ACAP2: variants seen among roughly 807,000 people sequenced by gnomAD.
ACAP2 encodes arf-GAP with coiled-coil, ANK repeat and PH domain-containing protein 2.
ACAP2 carries 39 observed loss-of-function variants against 115.8 expected under a neutral mutation model. The ratio of observed to expected loss-of-function variants is 0.34; its 90% CI spans 0.26 to 0.44. ACAP2 has a LOEUF of 0.44. Ranked by LOEUF, ACAP2 falls within the 20% of genes least tolerant of loss-of-function variation. ACAP2 has a pLI of 1.00. For missense variants in ACAP2, 662 were observed against 927.6 expected, an observed-to-expected ratio of 0.71 and a Z score of 3.72; for synonymous variants, 289 against 315.8, an observed-to-expected ratio of 0.92 and a Z score of 0.90.
At chr3:195,283,917 T>C (rs1247770629) in intron 22 of ACAP2, among the ~76,000 whole-genome samples, 2 of 152,004 alleles carry the variant, frequency 1.3e-5, no homozygotes, top group African/African-American at 4.8e-5. Flanking sequence ...TTAAATTAAA[T>C]TGGTAAAATC....
At chr3:195,439,608 A>G (rs887970541) in intron 1 of ACAP2, among the ~76,000 whole-genome samples, 2 of 151,580 alleles carry the variant, frequency 1.3e-5, no homozygotes, top group African/African-American at 2.4e-5. Flanking sequence ...AACAGAATAC[A>G]TTTTGGGTTT....
chr3:195,408,582 A>C (rs1284059204), intron 1 of ACAP2, among the ~76,000 whole-genome samples: 3 of 152,214 alleles, frequency 2.0e-5, no homozygotes, highest in South Asian at 2.1e-4. Context: ...GTGAAGAGGA[A>C]GAAAACTTCC....
intron 7 of ACAP2, among the ~76,000 whole-genome samples, chr3:195,333,996 G>C (rs1255181417): frequency 6.6e-6 from 1 of 152,072 alleles, no homozygotes; most frequent in African/African-American, 2.4e-5. Context: ...AATGGGCAGA[G>C]ATTTGTCCAA....
intron 9 of ACAP2, among the ~76,000 whole-genome samples, chr3:195,322,921 T>C (rs961111321): frequency 6.6e-6 from 1 of 152,354 alleles, no homozygotes; most frequent in African/African-American, 2.4e-5. Context: ...TTCATAACTT[T>C]AGCAATGAAA....
intron 22 of ACAP2, 38 bp from the exon 23 acceptor site, chr3:195,279,466 A>T: frequency 7.7e-7 from 1 of 1,303,450 alleles, no homozygotes; most frequent in South Asian, 1.3e-5. Flanking sequence ...AAACATTTAC[A>T]CAAGTATTAA....
intron 16 of ACAP2, among the ~76,000 whole-genome samples, chr3:195,296,191 C>T (rs1727646275): frequency 1.3e-5 from 2 of 151,386 alleles, no homozygotes. Flanking sequence ...TGCCCTCATG[C>T]TTTTTGCAGA....
chr3:195,326,637 T>C (rs1172211897), intron 9 of ACAP2: 1 of 403,240 alleles, frequency 2.5e-6, no homozygotes, highest in Non-Finnish European at 4.5e-6. Flanking sequence ...CTTAGTTAAG[T>C]TCCTAAGAGA....
At chr3:195,340,389 G>A (rs1157688440) in intron 6 of ACAP2, among the ~76,000 whole-genome samples, 2 of 151,914 alleles carry the variant, frequency 1.3e-5, no homozygotes, top group Non-Finnish European at 2.9e-5. Flanking sequence ...AATACAATGA[G>A]AACAAAGTAC....
chr3:195,290,767 C>T (rs1052115731), intron 20 of ACAP2, among the ~76,000 whole-genome samples: 47 of 151,526 alleles, frequency 3.1e-4, no homozygotes, highest in African/African-American at 9.5e-4. Context: ...GAGCTGAGAT[C>T]GTGCTACTGC....
chr3:195,403,650 G>A (rs946553763), intron 1 of ACAP2, among the ~76,000 whole-genome samples: 7 of 152,222 alleles, frequency 4.6e-5, no homozygotes, highest in Non-Finnish European at 8.8e-5. Context: ...ACAGGTAAAT[G>A]TGTAATCAAG....
At chr3:195,360,828 GA>G (rs796896996) in intron 4 of ACAP2, among the ~76,000 whole-genome samples, 18 of 147,150 alleles carry the variant, frequency 1.2e-4, no homozygotes, top group African/African-American at 2.5e-4. Flanking sequence ...AAAAAGAAAA[GA>G]AAAAAAAAAT....
At chr3:195,441,297 C>A (rs1715974826) in intron 1 of ACAP2, among the ~76,000 whole-genome samples, 1 of 152,194 alleles carries the variant, frequency 6.6e-6, no homozygotes, top group Admixed American at 6.5e-5. Flanking sequence ...CTCCACTTGC[C>A]ATGCTGTCCT....
chr3:195,358,065 A>T (rs974733116), intron 4 of ACAP2, among the ~76,000 whole-genome samples: 2 of 152,158 alleles, frequency 1.3e-5, no homozygotes, highest in African/African-American at 2.4e-5. Flanking sequence ...TGGGGATTAC[A>T]ATTCAAGATG....
At chr3:195,311,288 G>A (rs1391123269) in intron 10 of ACAP2, among the ~76,000 whole-genome samples, 1 of 151,784 alleles carries the variant, frequency 6.6e-6, no homozygotes, top group Admixed American at 6.6e-5. Context: ...GTAGAGACGA[G>A]GTTTTACCAT....
At position 195,275,259 on chromosome 3, in the gene ACAP2, C is replaced by T. The variant is rs1726149928; in HGVS notation, c.*4069G>A. 6.6e-6 allele frequency: 1 copy of T among 152,258 alleles called. No homozygotes were observed. The allele number at this position is 152,258 out of a possible 1,614,324, so 9.4% of individuals were successfully genotyped here. On this transcript the variant is annotated 3_prime_UTR_variant, in exon 23 of 23. Transcript: ENST00000326793. Reference sequence around the variant, plus strand: ...CAGAGAAAAGTTTATGTAATCAAATCTTGCTTTGTCTCCACATTATCACAT... The same window carrying T: ...CAGAGAAAAGTTTATGTAATCAAATTTTGCTTTGTCTCCACATTATCACAT...
intron 13 of ACAP2, among the ~76,000 whole-genome samples, chr3:195,305,653 G>A (rs1314304202): frequency 6.6e-6 from 1 of 152,198 alleles, no homozygotes; most frequent in African/African-American, 2.4e-5. Context: ...CCAGATTGGA[G>A]AAGTGTGATT....
chr3:195,335,993 C>G (rs1009044371), intron 7 of ACAP2: 1 of 149,830 alleles, frequency 6.7e-6, no homozygotes, highest in African/African-American at 2.5e-5. Context: ...CTCTGCCTCC[C>G]GGGTTCAAGC....
At chr3:195,281,542 A>C (rs1726512641) in intron 22 of ACAP2, among the ~76,000 whole-genome samples, 1 of 152,264 alleles carries the variant, frequency 6.6e-6, no homozygotes, top group South Asian at 2.1e-4. Flanking sequence ...TGAATCAATC[A>C]ATTAAACCTC....
At chr3:195,378,962 A>G (rs1287578296) in intron 4 of ACAP2, among the ~76,000 whole-genome samples, 1 of 152,152 alleles carries the variant, frequency 6.6e-6, no homozygotes, top group Non-Finnish European at 1.5e-5. Flanking sequence ...GAAATAGCAT[A>G]AGATTTACTG....
Sources: gnomAD v4.1 joint callset for allele counts (sites outside exome capture counted in the v4.1 genomes callset) on GRCh38, gnomAD v4.1.1 for gene constraint, MANE v1.5 for transcripts, NCBI Gene and HGNC (gene_info 2026-07-23, HGNC 2026-07-21) for gene names.